Variants in STIM1 observed in about 807,000 individuals in gnomAD.
STIM1 encodes stromal interaction molecule 1.
Under a neutral mutation model 74.7 loss-of-function variants are expected in STIM1, and 25 were observed. That is an observed-to-expected ratio of 0.33 (90% CI 0.24 to 0.47). The LOEUF is 0.47. Ranked by LOEUF, STIM1 falls within the 20% of genes least tolerant of loss-of-function variation. The pLI is 1.00. For synonymous variants in STIM1, 328 were observed against 348.8 expected (o/e 0.94, Z 0.66); for missense variants, 728 against 920.8 (o/e 0.79, Z 2.71).
intron 2 of STIM1, among the ~76,000 whole-genome samples, chr11:3,982,992 C>T (rs748228296): frequency 6.6e-5 from 10 of 152,058 alleles, no homozygotes; most frequent in Non-Finnish European, 1.3e-4. Flanking sequence ...AGTGCAGTGG[C>T]GTGATCTCTG....
intron 3 of STIM1, among the ~76,000 whole-genome samples, chr11:4,045,852 C>T (rs2094188446): frequency 2.1e-5 from 3 of 143,604 alleles, no homozygotes; most frequent in Non-Finnish European, 4.6e-5. Context: ...TGCAGCCCTC[C>T]GCCTCCCAGG....
intron 1 of STIM1, among the ~76,000 whole-genome samples, chr11:3,938,940 C>T (rs1402582939): frequency 2.0e-5 from 3 of 152,288 alleles, no homozygotes; most frequent in South Asian, 2.1e-4. Context: ...GAACCAGTAT[C>T]TTGAAACCCC....
At chr11:3,892,859 A>C in intron 1 of STIM1, 1 of 1,603,106 alleles carries the variant, frequency 6.2e-7, no homozygotes, top group Non-Finnish European at 8.5e-7. Context: ...GTTGACAGCA[A>C]TGTCGAAGAA....
At chr11:4,027,831 G>A (rs959718335) in intron 3 of STIM1, among the ~76,000 whole-genome samples, 4 of 152,064 alleles carry the variant, frequency 2.6e-5, no homozygotes, top group African/African-American at 7.2e-5. Context: ...GAGGTTAGAG[G>A]AGTGGCAGTT....
At chr11:4,088,339 C>T (rs1488084132) in intron 12 of STIM1, among the ~76,000 whole-genome samples, 1 of 151,974 alleles carries the variant, frequency 6.6e-6, no homozygotes, top group Non-Finnish European at 1.5e-5. Context: ...TACTCTGTTG[C>T]TTTTTTTTAG....
chr11:3,883,419 G>A (rs1438254967), intron 1 of STIM1, among the ~76,000 whole-genome samples: 2 of 152,174 alleles, frequency 1.3e-5, no homozygotes, highest in African/African-American at 4.8e-5. Context: ...GCAATGGCAT[G>A]ATCTTGGCTC....
intron 1 of STIM1, among the ~76,000 whole-genome samples, chr11:3,856,927 CTT>C (rs1444852246): frequency 6.6e-5 from 10 of 152,214 alleles, no homozygotes; most frequent in Admixed American, 3.3e-4. Context: ...AGTCTTGTCT[CTT>C]TGCTGTGCGC....
chr11:4,063,194 G>T (rs1168057113), intron 5 of STIM1, among the ~76,000 whole-genome samples: 1 of 152,172 alleles, frequency 6.6e-6, no homozygotes, highest in African/African-American at 2.4e-5. Flanking sequence ...CATTAATTTT[G>T]CCAGTGGTTG....
chr11:3,949,101 G>A (rs1352394342), intron 1 of STIM1, among the ~76,000 whole-genome samples: 1 of 152,134 alleles, frequency 6.6e-6, no homozygotes, highest in Non-Finnish European at 1.5e-5. Flanking sequence ...TAAGTAATTG[G>A]TCCAAATTGT....
chr11:3,906,230 A>C (rs577225030), intron 1 of STIM1, among the ~76,000 whole-genome samples: 1 of 152,294 alleles, frequency 6.6e-6, no homozygotes, highest in South Asian at 2.1e-4. Flanking sequence ...AAGTATTTTT[A>C]TTTGAGTTGA....
At chr11:3,883,377 C>T (rs2091588580) in intron 1 of STIM1, among the ~76,000 whole-genome samples, 3 of 152,070 alleles carry the variant, frequency 2.0e-5, no homozygotes, top group Admixed American at 2.0e-4. Flanking sequence ...TTTTTTGAGA[C>T]AGAGTTTCAC....
chr11:3,864,510 A>G (rs2090772945), intron 1 of STIM1, among the ~76,000 whole-genome samples: 1 of 152,196 alleles, frequency 6.6e-6, no homozygotes, highest in African/African-American at 2.4e-5. Context: ...GGGCCTCTAC[A>G]CTGGGCTATA....
At chr11:3,991,950 CAAAAAAAAAAAAAAAAAAAAAAG>C (rs934557985) in intron 2 of STIM1, among the ~76,000 whole-genome samples, 2 of 36,702 alleles carry the variant, frequency 5.4e-5, no homozygotes, top group African/African-American at 1.4e-4. Flanking sequence ...AACTCCATCT[CAAAAAAAAAAAAAAAAAAAAAAG>C]AAAAAAAAAA....
At chr11:4,053,685 A>C (rs1319568956) in intron 3 of STIM1, among the ~76,000 whole-genome samples, 1 of 152,050 alleles carries the variant, frequency 6.6e-6, no homozygotes, top group Non-Finnish European at 1.5e-5. Flanking sequence ...AGATATGTAA[A>C]AAACCTGCAC....
intron 6 of STIM1, among the ~76,000 whole-genome samples, chr11:4,070,997 G>A (rs1378165845): frequency 1.3e-5 from 2 of 152,204 alleles, no homozygotes; most frequent in Non-Finnish European, 2.9e-5. Context: ...CAGCTTATAG[G>A]ATAAGAATGC....
rs573898234 is a variant in STIM1, at chr11:3,990,937, G to T, written c.270+23255G>T. Reference sequence around the variant, plus strand: ...AGATAGTGACCGTAGCATCCAATGGGAATTTTTTCAGTCCTTCTCCCTATC... The same window carrying T: ...AGATAGTGACCGTAGCATCCAATGGTAATTTTTTCAGTCCTTCTCCCTATC... On this transcript the variant is annotated intron_variant, in intron 2 of 12. Coordinates refer to ENST00000526596, the MANE Select transcript of STIM1 (RefSeq NM_001382567.1). 1.6e-4 allele frequency among the ~76,000 whole-genome samples: 24 copies of T among 152,160 alleles called. No individual in the cohort carries two copies. In the South Asian group the frequency reaches 4.6e-3, roughly 29 times the overall value.
chr11:4,037,665 T>G (rs557242820), intron 3 of STIM1, among the ~76,000 whole-genome samples: 228 of 152,304 alleles, frequency 1.5e-3, no homozygotes, highest in Non-Finnish European at 2.6e-3. Flanking sequence ...TTTTTATATT[T>G]AAAGTACATT....
At chr11:3,992,089 GTTTTTTTT>G (rs75377604) in intron 2 of STIM1, among the ~76,000 whole-genome samples, 49 of 95,404 alleles carry the variant, frequency 5.1e-4, no homozygotes, top group African/African-American at 2.0e-3. Flanking sequence ...CTGTTTTTTT[GTTTTTTTT>G]TTTTTTTTTT....
chr11:3,935,821 T>C (rs952385387), intron 1 of STIM1, among the ~76,000 whole-genome samples: 3 of 152,226 alleles, frequency 2.0e-5, no homozygotes, highest in African/African-American at 7.2e-5. Flanking sequence ...GCCTCCCTTA[T>C]TCCCTAGCAG....
Sources: gnomAD v4.1 joint callset for allele counts (sites outside exome capture counted in the v4.1 genomes callset) on GRCh38, gnomAD v4.1.1 for gene constraint, MANE v1.5 for transcripts, NCBI Gene and HGNC (gene_info 2026-07-23, HGNC 2026-07-21) for gene names.